Variants in KCMF1 observed in about 807,000 individuals in gnomAD.
The protein encoded by KCMF1 is potassium channel modulatory factor 1, also known as E3 ubiquitin-protein ligase KCMF1.
In KCMF1, 3 loss-of-function variants were observed where a neutral mutation model predicts 41.1. The observed-to-expected ratio is 0.07, with a 90% CI of 0.03 to 0.19. KCMF1 has a LOEUF of 0.19. Ranked by LOEUF, KCMF1 falls within the 10% of genes least tolerant of loss-of-function variation. The pLI is 1.00. For missense variants in KCMF1, 286 were observed against 488.9 expected (o/e 0.58, Z 3.91); for synonymous variants, 142 against 164.5 (o/e 0.86, Z 1.04).
Position 85,009,534 on chromosome 2 carries a change from A to C in KCMF1, c.17-18355A>C, listed in dbSNP as rs71411813. Reference sequence around the variant, plus strand: ...GCAATTCCTATTCTCTGTTCTGGAAAGTTTTCTTGAATTACTCTGTTGGTT... The same window carrying C: ...GCAATTCCTATTCTCTGTTCTGGAACGTTTTCTTGAATTACTCTGTTGGTT... On this transcript the variant is annotated intron_variant, in intron 1 of 6. Coordinates refer to ENST00000409785, the MANE Select transcript of KCMF1 (RefSeq NM_020122.5). 4.0e-3 allele frequency among the ~76,000 whole-genome samples: 613 copies of C among 152,144 alleles called. 2 individuals carry two copies. The highest frequency in any genetic ancestry group is 0.01 in the Middle Eastern group (3 of 294).
chr2:85,027,634 G>T (rs758502106), intron 1 of KCMF1, among the ~76,000 whole-genome samples: 1 of 151,808 alleles, frequency 6.6e-6, no homozygotes, highest in Non-Finnish European at 1.5e-5. Flanking sequence ...CTCGACCCCC[G>T]CAAAGTGCTC....
chr2:85,051,290 A>G (rs777776777), intron 6 of KCMF1, among the ~76,000 whole-genome samples: 9 of 152,214 alleles, frequency 5.9e-5, no homozygotes, highest in Admixed American at 3.9e-4. Context: ...CAGCAGGTCT[A>G]TAACATACCA....
At chr2:85,020,396 T>C (rs939880238) in intron 1 of KCMF1, among the ~76,000 whole-genome samples, 2 of 152,208 alleles carry the variant, frequency 1.3e-5, no homozygotes. Flanking sequence ...TTCAGTGTTA[T>C]GCTTAAAGCA....
In KCMF1 at chr2:85,056,425, G is replaced by T. The variant is rs1240920001; in HGVS notation, c.*3016G>T. Reference sequence around the variant, plus strand: ...CCACAGTTAAAAGAACGGGTAACAGGTTCAGAGTTCTCTTGATACGTCCAA... The same window carrying T: ...CCACAGTTAAAAGAACGGGTAACAGTTTCAGAGTTCTCTTGATACGTCCAA... On this transcript the variant is annotated 3_prime_UTR_variant, in exon 7 of 7. Transcript: ENST00000409785. 6.6e-6 allele frequency: 1 copy of T among 152,080 alleles called. No individual in the cohort carries two copies. Among genetic ancestry groups the T allele is most frequent in the Non-Finnish European group, 1.5e-5 (1 of 68,018 alleles). 9.4% of individuals were successfully genotyped at this position (152,080 alleles called of 1,614,324 possible). A position where few individuals can be genotyped will look rare whatever the true frequency, so the allele number is the denominator to read the frequency against.
chr2:84,985,408 T>C (rs1401822226), intron 1 of KCMF1, among the ~76,000 whole-genome samples: 2 of 152,226 alleles, frequency 1.3e-5, no homozygotes, highest in Non-Finnish European at 2.9e-5. Flanking sequence ...TTACAAACTT[T>C]CCCTACATTT....
chr2:84,992,719 G>A (rs1674072925), intron 1 of KCMF1, among the ~76,000 whole-genome samples: 1 of 151,346 alleles, frequency 6.6e-6, no homozygotes, highest in South Asian at 2.1e-4. Context: ...TGCAAGCTCC[G>A]CCTCCTGGGT....
Position 85,020,536 on chromosome 2 carries a change from C to T in KCMF1, c.17-7353C>T, listed in dbSNP as rs150034732. 6.1e-3 allele frequency among the ~76,000 whole-genome samples: 927 copies of T among 152,172 alleles called. 17 individuals carry two copies. Among genetic ancestry groups the T allele is most frequent in the African/African-American group, 0.022 (894 of 41,486 alleles). On this transcript the variant is annotated intron_variant, in intron 1 of 6. Transcript: ENST00000409785. The stretch of plus-strand genomic sequence containing the variant: ...CTCAACCTCCTAGACTCAAGTGATC[C>T]TCCCACCTCAACCTGAGAAGTAGGG...
intron 1 of KCMF1, among the ~76,000 whole-genome samples, chr2:84,979,263 T>G (rs964741467): frequency 3.3e-5 from 5 of 152,166 alleles, no homozygotes; most frequent in African/African-American, 7.2e-5. Context: ...GCGCTGTGGC[T>G]TATGCCTGTA....
In KCMF1 at chr2:85,057,190, A is replaced by G. The variant is rs1300774786; in HGVS notation, c.*3781A>G. The G allele has an allele frequency of 6.6e-6, 1 of 152,146 alleles. No individual in the cohort carries two copies. Among genetic ancestry groups the G allele is most frequent in the Non-Finnish European group, 1.5e-5 (1 of 68,040 alleles). 9.4% of individuals were successfully genotyped at this position (152,146 alleles called of 1,614,324 possible). A position where few individuals can be genotyped will look rare whatever the true frequency, so the allele number is the denominator to read the frequency against. On this transcript the variant is annotated 3_prime_UTR_variant, in exon 7 of 7. Coordinates refer to ENST00000409785, the MANE Select transcript of KCMF1 (RefSeq NM_020122.5). ...GCAAGACTCTGTCTCAAAAAAAAAAAAAATTAAAACACTAGGTACGAAATT... is the reference window on the plus strand; with the variant it reads ...GCAAGACTCTGTCTCAAAAAAAAAAGAAATTAAAACACTAGGTACGAAATT...
In KCMF1 at chr2:85,054,721, A is replaced by G. The variant is rs1445369816; in HGVS notation, c.*1312A>G. 1.3e-5 allele frequency: 2 copies of G among 152,136 alleles called. No homozygotes were observed. Among genetic ancestry groups the G allele is most frequent in the African/African-American group, 4.8e-5 (2 of 41,378 alleles). 9.4% of individuals were successfully genotyped at this position (152,136 alleles called of 1,614,324 possible). ...TTTGGAATGTAAATTTAGGACTTTT[A>G]AAAAGGTGCGCACAGCTTCTGATAA... On this transcript the variant is annotated 3_prime_UTR_variant, in exon 7 of 7. Transcript: ENST00000409785.
chr2:84,976,314 C>T (rs1274319350), intron 1 of KCMF1, among the ~76,000 whole-genome samples: 1 of 150,834 alleles, frequency 6.6e-6, no homozygotes, highest in East Asian at 2.0e-4. Context: ...TCGAGTGATT[C>T]TCCTGCCTCA....
chr2:85,008,410 T>TATATTATATATGATATATATTATATATC lies in KCMF1; in HGVS notation c.17-19475_17-19474insTATATATGATATATATTATATATCATAT, dbSNP rs1558573740. On this transcript the variant is annotated intron_variant, in intron 1 of 6. Transcript: ENST00000409785. ...ATATGATATATATTATATATCATAT[T>TATATTATATATGATATATATTATATATC]ATATATTATGTGATATATATGATAT... Among the ~76,000 whole-genome samples the TATATTATATATGATATATATTATATATC allele has an allele frequency of 6.3e-4, 37 of 58,388 alleles. 1 individual carries two copies. The East Asian group carries it at 0.012, about 18-fold the overall frequency. 38.3% of individuals were successfully genotyped at this position (58,388 alleles called of 152,430 possible).
intron 1 of KCMF1, among the ~76,000 whole-genome samples, chr2:84,993,877 A>ACC: frequency 6.7e-6 from 1 of 148,824 alleles, no homozygotes; most frequent in East Asian, 2.0e-4. Flanking sequence ...CGCTTGACCT[A>ACC]CCCCCCATTT....
rs887171640 is a variant in KCMF1 at position 85,028,579 on chromosome 2, C to T, written c.184+523C>T. On this transcript the variant is annotated intron_variant, in intron 2 of 6. Coordinates refer to ENST00000409785, the MANE Select transcript of KCMF1 (RefSeq NM_020122.5). ...ATCTCAGCTCGCTGCAACCTCCACC[C>T]CCCAGGTTCAAGCGATTCTCCTGCC... 6.0e-5 allele frequency among the ~76,000 whole-genome samples: 9 copies of T among 149,704 alleles called. No homozygotes were observed. In the South Asian group the frequency reaches 1.7e-3, roughly 28 times the overall value.
intron 1 of KCMF1, among the ~76,000 whole-genome samples, chr2:84,983,345 G>A (rs1398415741): frequency 6.6e-6 from 1 of 150,942 alleles, no homozygotes; most frequent in Non-Finnish European, 1.5e-5. Flanking sequence ...TTTTTTTTAA[G>A]AGACAGAGTC....
At chr2:84,980,310 G>C (rs998283351) in intron 1 of KCMF1, among the ~76,000 whole-genome samples, 3 of 152,180 alleles carry the variant, frequency 2.0e-5, no homozygotes, top group African/African-American at 7.2e-5. Flanking sequence ...GCAGAGGAAA[G>C]ACAGGCAAGG....
At chr2:85,023,888 G>A (rs1675017700) in intron 1 of KCMF1, among the ~76,000 whole-genome samples, 1 of 152,110 alleles carries the variant, frequency 6.6e-6, no homozygotes, top group Non-Finnish European at 1.5e-5. Context: ...GAAACTTGTA[G>A]TTTCTTACCG....
chr2:85,005,375 G>A (rs907969184), intron 1 of KCMF1, among the ~76,000 whole-genome samples: 3 of 151,540 alleles, frequency 2.0e-5, no homozygotes, highest in African/African-American at 7.3e-5. Flanking sequence ...TGCAAGCTCC[G>A]CCTATTGGGG....
At chr2:84,972,675 T>TA (rs1385189927) in intron 1 of KCMF1, among the ~76,000 whole-genome samples, 1 of 152,184 alleles carries the variant, frequency 6.6e-6, no homozygotes. Flanking sequence ...CTTTGGGAAA[T>TA]ACGGACCTTA....
Sources: allele counts gnomAD v4.1 joint callset (sites outside exome capture counted in the v4.1 genomes callset), GRCh38; gene constraint gnomAD v4.1.1; transcripts MANE v1.5; gene names NCBI Gene and HGNC (gene_info 2026-07-23, HGNC 2026-07-21).